The following AGBL1 variants were observed in gnomAD, a reference collection of about 807,000 sequenced individuals.
AGBL1 encodes cytosolic carboxypeptidase 4.
AGBL1 carries 130 observed loss-of-function variants against 118.9 expected under a neutral mutation model. That is an observed-to-expected ratio of 1.09 (90% CI 0.95 to 1.26). The LOEUF (loss-of-function observed/expected upper bound fraction) is 1.26. Ranked by LOEUF, AGBL1 falls within the 50% of genes most tolerant of loss-of-function variation. The pLI is 0.00. For synonymous variants in AGBL1, 555 were observed against 478.9 expected, an observed-to-expected ratio of 1.16 and a Z score of -2.08; for missense variants, 1,584 against 1,298.1, an observed-to-expected ratio of 1.22 and a Z score of -3.38.
chr15:86,764,607 T>C (rs1419737956), intron 22 of AGBL1, among the ~76,000 whole-genome samples: 1 of 152,080 alleles, frequency 6.6e-6, no homozygotes, highest in Non-Finnish European at 1.5e-5. Context: ...AAAAGTATAA[T>C]AAAGGCGTTG....
intron 21 of AGBL1, among the ~76,000 whole-genome samples, chr15:86,644,904 C>T (rs528659232): frequency 6.6e-6 from 1 of 150,922 alleles, no homozygotes; most frequent in East Asian, 2.0e-4. Flanking sequence ...ACCTGTAGTC[C>T]CAGGTACTCG....
intron 5 of AGBL1, among the ~76,000 whole-genome samples, chr15:86,203,006 C>T (rs970379429): frequency 2.2e-4 from 33 of 152,034 alleles, no homozygotes; most frequent in Admixed American, 1.8e-3. Flanking sequence ...ATTGCATGAG[C>T]CCAGGAGTTC....
chr15:86,525,890 C>A (rs1376807627), intron 19 of AGBL1, among the ~76,000 whole-genome samples: 3 of 152,048 alleles, frequency 2.0e-5, no homozygotes, highest in Non-Finnish European at 4.4e-5. Flanking sequence ...AACTAAGTAC[C>A]TTTTGCATGG....
At chr15:86,324,732 A>G (rs1386271820) in intron 17 of AGBL1, among the ~76,000 whole-genome samples, 3 of 152,230 alleles carry the variant, frequency 2.0e-5, no homozygotes, top group Non-Finnish European at 4.4e-5. Context: ...AATAAGGTAG[A>G]GTCGTAGTGG....
chr15:86,247,562 A>T, intron 6 of AGBL1, 109 bp from the exon 7 acceptor site: 1 of 1,169,150 alleles, frequency 8.6e-7, no homozygotes, highest in Non-Finnish European at 1.2e-6. Context: ...AAATGTTATT[A>T]TTCCCTTGAT....
At chr15:86,686,201 G>A (rs933807453) in intron 22 of AGBL1, among the ~76,000 whole-genome samples, 1 of 152,104 alleles carries the variant, frequency 6.6e-6, no homozygotes, top group Non-Finnish European at 1.5e-5. Context: ...CTTTTTAAAG[G>A]ATTGATCTAG....
chr15:86,355,898 T>C (rs939444737), intron 17 of AGBL1, among the ~76,000 whole-genome samples: 2 of 152,196 alleles, frequency 1.3e-5, no homozygotes, highest in Non-Finnish European at 2.9e-5. Context: ...CAGCTCCTGC[T>C]TCATTCTTTG....
intron 23 of AGBL1, among the ~76,000 whole-genome samples, chr15:86,937,024 T>C (rs573773026): frequency 2.6e-5 from 4 of 152,278 alleles, no homozygotes; most frequent in African/African-American, 9.6e-5. Flanking sequence ...AAAGAAGACA[T>C]ACATGCAGCC....
chr15:86,872,687 C>A (rs1156789643), intron 22 of AGBL1, among the ~76,000 whole-genome samples: 1 of 152,104 alleles, frequency 6.6e-6, no homozygotes, highest in Non-Finnish European at 1.5e-5. Context: ...ACCTGGGAGG[C>A]AGAGGTTACA....
At chr15:86,594,803 C>A (rs951838807) in intron 21 of AGBL1, among the ~76,000 whole-genome samples, 2 of 152,202 alleles carry the variant, frequency 1.3e-5, no homozygotes, top group Non-Finnish European at 2.9e-5. Flanking sequence ...TTTATACACA[C>A]ATGACTATTT....
intron 5 of AGBL1, among the ~76,000 whole-genome samples, chr15:86,198,280 C>T (rs1348646280): frequency 6.6e-6 from 1 of 152,170 alleles, no homozygotes; most frequent in Admixed American, 6.6e-5. Flanking sequence ...GTCTCATGAG[C>T]TCACAGCTAT....
At chr15:86,325,178 C>T (rs2080166673) in intron 17 of AGBL1, among the ~76,000 whole-genome samples, 1 of 152,168 alleles carries the variant, frequency 6.6e-6, no homozygotes, top group Admixed American at 6.5e-5. Flanking sequence ...GCAAGGAAAA[C>T]ACGGAGTGAT....
chr15:86,733,580 T>C (rs2077556007), intron 22 of AGBL1, among the ~76,000 whole-genome samples: 1 of 152,222 alleles, frequency 6.6e-6, no homozygotes, highest in African/African-American at 2.4e-5. Flanking sequence ...AAGCATTAAC[T>C]ACTATTATTC....
At chr15:86,115,881 C>T (rs760631321) in intron 1 of AGBL1, among the ~76,000 whole-genome samples, 10 of 152,190 alleles carry the variant, frequency 6.6e-5, no homozygotes, top group Non-Finnish European at 1.0e-4. Context: ...TCTGGGACAG[C>T]TCTGCTTTAT....
At position 86,879,809 on chromosome 15, in the gene AGBL1, G is replaced by A. The variant is rs553118629; in HGVS notation, c.3159-27278G>A. 3.3e-5 allele frequency among the ~76,000 whole-genome samples: 5 copies of A among 152,226 alleles called. No homozygotes were observed. The South Asian group carries it at 8.3e-4, about 25-fold the overall frequency. On this transcript the variant is annotated intron_variant, in intron 22 of 22. Transcript: ENST00000614907. ...TTTGTCAGAGGTGGCCACAGGCTTC[G>A]TGCCAGGGCTCTGGGCAGCAGCCAC...
chr15:86,390,511 A>T (rs1351437590), intron 17 of AGBL1, among the ~76,000 whole-genome samples: 1 of 152,150 alleles, frequency 6.6e-6, no homozygotes, highest in South Asian at 2.1e-4. Context: ...AAGAGAATAA[A>T]CAAATTGTGG....
At chr15:86,469,448 T>A (rs2082449896) in intron 18 of AGBL1, among the ~76,000 whole-genome samples, 1 of 152,214 alleles carries the variant, frequency 6.6e-6, no homozygotes, top group African/African-American at 2.4e-5. Flanking sequence ...ATTGTATGTA[T>A]GTATGGGTCA....
intron 5 of AGBL1, among the ~76,000 whole-genome samples, chr15:86,188,137 T>C (rs564931584): frequency 1.3e-5 from 2 of 152,320 alleles, no homozygotes; most frequent in African/African-American, 4.8e-5. Context: ...GTGAATCTTC[T>C]GTGAAACTGA....
chr15:86,552,338 GAT>G (rs1397054472), intron 20 of AGBL1, among the ~76,000 whole-genome samples: 2 of 145,084 alleles, frequency 1.4e-5, no homozygotes, highest in East Asian at 1.9e-4. Context: ...AAAAGAGAGA[GAT>G]AGAACCTATG....
Sources: allele counts gnomAD v4.1 joint callset (sites outside exome capture counted in the v4.1 genomes callset), GRCh38; gene constraint gnomAD v4.1.1; transcripts MANE v1.5; gene names NCBI Gene and HGNC (gene_info 2026-07-23, HGNC 2026-07-21).